Variants in CAMTA1 observed in about 807,000 individuals in gnomAD.
The protein encoded by CAMTA1 is calmodulin-binding transcription activator 1.
A neutral mutation model predicts 170.9 loss-of-function variants in CAMTA1; 27 were observed. That is an observed-to-expected ratio of 0.16 (90% CI 0.12 to 0.22). CAMTA1 has a LOEUF of 0.22. Ranked by LOEUF, CAMTA1 falls within the 10% of genes least tolerant of loss-of-function variation. CAMTA1 has a pLI of 1.00. For missense variants in CAMTA1, 1,619 were observed against 2,217.2 expected (o/e 0.73, Z 5.42); for synonymous variants, 833 against 891.5 (o/e 0.93, Z 1.17).
intron 3 of CAMTA1, among the ~76,000 whole-genome samples, chr1:7,047,390 G>A (rs1477195067): frequency 2.0e-5 from 3 of 152,220 alleles, no homozygotes; most frequent in African/African-American, 7.2e-5. Flanking sequence ...CTAGATGCAG[G>A]AGGGGATAAG....
intron 3 of CAMTA1, among the ~76,000 whole-genome samples, chr1:6,889,385 G>A (rs547450561): frequency 5.7e-4 from 87 of 152,278 alleles, no homozygotes; most frequent in African/African-American, 2.1e-3. Flanking sequence ...CATAAGCAGA[G>A]GATACAGATG....
chr1:7,714,550 C>G (rs2096594936), intron 11 of CAMTA1, among the ~76,000 whole-genome samples: 1 of 151,546 alleles, frequency 6.6e-6, no homozygotes. Context: ...GAGACAGAGT[C>G]TTGCCTTGTC....
rs753885097 is a variant in CAMTA1 at position 7,014,629 on chromosome 1, C to T, written c.235-76675C>T. ...AGCGTGCGAGCTTGGTCCCTTAACA[C>T]GGAGTCTGGAATTGTTTCTCATAAC... is the stretch of plus-strand genomic sequence containing the variant. On this transcript the variant is annotated intron_variant, in intron 3 of 22. Coordinates refer to ENST00000303635, the MANE Select transcript of CAMTA1 (RefSeq NM_015215.4). This position sits in a 1 kb window ranked among gnomAD's most constrained non-coding sequence, Gnocchi z 4.2. Among the ~76,000 whole-genome samples the T allele has an allele frequency of 5.9e-5, 9 of 152,170 alleles. No homozygotes were observed. The highest frequency in any genetic ancestry group is 4.1e-4 in the South Asian group (2 of 4,830).
rs564090498 is a variant in CAMTA1, at chr1:7,007,019, A to T, written c.235-84285A>T. On this transcript the variant is annotated intron_variant, in intron 3 of 22. Transcript: ENST00000303635. The surrounding 1 kb of genome is among the most constrained non-coding windows in gnomAD (Gnocchi z 4.5). ...CAGATGGTAGTAAAAAAAAAAAAAA[A>T]AAATAAGAATTTTTGGATACGGTAT... 2.3e-4 allele frequency among the ~76,000 whole-genome samples: 35 copies of T among 151,794 alleles called. No individual in the cohort carries two copies. The South Asian group carries it at 6.5e-3, about 28-fold the overall frequency.
chr1:7,502,527 A>C (rs1408542795), intron 6 of CAMTA1, among the ~76,000 whole-genome samples: 1 of 152,108 alleles, frequency 6.6e-6, no homozygotes, highest in Non-Finnish European at 1.5e-5. Context: ...CTCTTTAGTG[A>C]GGGAGCCCTT....
At chr1:6,881,837 G>T (rs1334181993) in intron 3 of CAMTA1, among the ~76,000 whole-genome samples, 1 of 152,114 alleles carries the variant, frequency 6.6e-6, no homozygotes, top group African/African-American at 2.4e-5. Flanking sequence ...CATGGTGGCG[G>T]TTGCCTGTAA....
intron 3 of CAMTA1, among the ~76,000 whole-genome samples, chr1:6,928,506 C>G (rs575510745): frequency 1.3e-5 from 2 of 152,266 alleles, no homozygotes; most frequent in African/African-American, 4.8e-5. Flanking sequence ...AGCCCCTCCC[C>G]TTTACCTTTA....
intron 3 of CAMTA1, among the ~76,000 whole-genome samples, chr1:6,926,448 CTTTCTTTCTTTCTTTCTT>C (rs1351338943): frequency 0.028 from 2,026 of 71,160 alleles, 39 homozygotes; most frequent in African/African-American, 0.11. Context: ...CTCTTTCTTT[CTTTCTTTCTTTCTTTCTT>C]TCTTTCTTTC....
At chr1:7,099,685 A>G (rs771341398) in intron 4 of CAMTA1, among the ~76,000 whole-genome samples, 12 of 152,218 alleles carry the variant, frequency 7.9e-5, no homozygotes, top group Non-Finnish European at 1.6e-4. Context: ...TTCTGTTGGT[A>G]ACTCTGAGGT....
intron 3 of CAMTA1, among the ~76,000 whole-genome samples, chr1:6,930,921 T>A (rs1230847093): frequency 6.6e-6 from 1 of 152,236 alleles, no homozygotes; most frequent in Non-Finnish European, 1.5e-5. Flanking sequence ...GAGTGGCCCT[T>A]GCTGGCCTTG....
intron 3 of CAMTA1, chr1:6,852,952 A>C (rs1660971122): frequency 6.9e-6 from 1 of 145,296 alleles, no homozygotes; most frequent in Admixed American, 6.9e-5. Flanking sequence ...TCCTCTCATC[A>C]TAAACTCAGG....
chr1:7,235,462 C>T (rs557307961), intron 4 of CAMTA1, among the ~76,000 whole-genome samples: 1 of 152,252 alleles, frequency 6.6e-6, no homozygotes, highest in African/African-American at 2.4e-5. Context: ...CCTGTGTCTA[C>T]TAAAAATACA....
rs2097035705 is a variant in CAMTA1, at chr1:7,768,267, G to C, written c.*1776G>C. On this transcript the variant is annotated 3_prime_UTR_variant, in exon 23 of 23. Coordinates refer to ENST00000303635, the MANE Select transcript of CAMTA1 (RefSeq NM_015215.4). ...AGACTGGTCTTTTAGAGACGGCATG[G>C]TATATTACTATTTCCACATAATGAG... 6.6e-6 allele frequency: 1 copy of C among 152,590 alleles called. No individual in the cohort carries two copies. The highest frequency in any genetic ancestry group is 6.6e-5 in the Admixed American group (1 of 15,252). 9.5% of individuals were successfully genotyped at this position (152,590 alleles called of 1,614,324 possible).
intron 7 of CAMTA1, 73 bp from the exon 8 acceptor site, chr1:7,661,653 C>G: frequency 6.4e-7 from 1 of 1,560,192 alleles, no homozygotes; most frequent in Non-Finnish European, 8.8e-7. Context: ...GGCCTGGGTC[C>G]TACCCCTTGG....
chr1:7,655,768 C>T (rs1323868599), intron 7 of CAMTA1, among the ~76,000 whole-genome samples: 1 of 152,190 alleles, frequency 6.6e-6, no homozygotes, highest in African/African-American at 2.4e-5. Flanking sequence ...TGTACAAACA[C>T]CTATACACGC....
rs2095030737 is a variant in CAMTA1, at chr1:7,565,604, A to G, written c.511-74796A>G. Reference sequence around the variant, plus strand: ...ACTCCATTGGGCCTACCTGACTGAGACCCCAGGAGAGCCAGGTCCTGCTCC... The same window carrying G: ...ACTCCATTGGGCCTACCTGACTGAGGCCCCAGGAGAGCCAGGTCCTGCTCC... On this transcript the variant is annotated intron_variant, in intron 6 of 22. Coordinates refer to ENST00000303635, the MANE Select transcript of CAMTA1 (RefSeq NM_015215.4). This position sits in a 1 kb window ranked among gnomAD's most constrained non-coding sequence, Gnocchi z 4.5. Among the ~76,000 whole-genome samples, 1 of 151,904 alleles carries G rather than the reference A, an allele frequency of 6.6e-6. No homozygotes were observed.
Position 7,592,189 on chromosome 1 carries a change from G to A in CAMTA1, c.511-48211G>A, listed in dbSNP as rs958475620. On this transcript the variant is annotated intron_variant, in intron 6 of 22. Coordinates refer to ENST00000303635, the MANE Select transcript of CAMTA1 (RefSeq NM_015215.4). The surrounding 1 kb of genome is among the most constrained non-coding windows in gnomAD (Gnocchi z 4.6). ...GCTAGGATTACAGGCATGAGCCACC[G>A]CACCCAGCCACTTTTCACAGTTTAG... 3.3e-5 allele frequency among the ~76,000 whole-genome samples: 5 copies of A among 152,128 alleles called. No individual in the cohort carries two copies. Among genetic ancestry groups the A allele is most frequent in the South Asian group, 4.1e-4 (2 of 4,832 alleles).
At chr1:6,943,896 T>C (rs539436381) in intron 3 of CAMTA1, among the ~76,000 whole-genome samples, 3 of 151,746 alleles carry the variant, frequency 2.0e-5, no homozygotes, top group African/African-American at 7.3e-5. Context: ...CATAGAATTT[T>C]AACCATTTTA....
intron 5 of CAMTA1, among the ~76,000 whole-genome samples, chr1:7,259,558 T>A (rs1053991816): frequency 1.3e-5 from 2 of 152,228 alleles, no homozygotes; most frequent in African/African-American, 4.8e-5. Flanking sequence ...GCCAGTAGGG[T>A]CCTGCCTCAG....
Sources: gnomAD v4.1 joint callset for allele counts (sites outside exome capture counted in the v4.1 genomes callset) on GRCh38, gnomAD v4.1.1 for gene constraint, Gnocchi (gnomAD v3.1) non-coding constraint, MANE v1.5 for transcripts, NCBI Gene and HGNC (gene_info 2026-07-23, HGNC 2026-07-21) for gene names.